Variants in EPB41L2 observed in about 807,000 individuals in gnomAD.
EPB41L2 encodes the protein band 4.1-like protein 2.
A neutral mutation model predicts 113.0 loss-of-function variants in EPB41L2; 43 were observed. That is an observed-to-expected ratio of 0.38 (90% confidence interval 0.30 to 0.49). EPB41L2 has a LOEUF of 0.49. Among genes scored for constraint, EPB41L2 ranks in the 20% least tolerant of loss-of-function variants. The pLI is 0.95. For synonymous variants in EPB41L2, 442 were observed against 436.7 expected (o/e 1.01, Z -0.15); for missense variants, 1,147 against 1,223.4 (o/e 0.94, Z 0.93).
chr6:130,996,592 T>C (rs1403271117), intron 1 of EPB41L2, among the ~76,000 whole-genome samples: 2 of 152,206 alleles, frequency 1.3e-5, no homozygotes, highest in Admixed American at 6.5e-5. Flanking sequence ...TGAGTCCATC[T>C]AATGAATGAA....
intron 3 of EPB41L2, among the ~76,000 whole-genome samples, chr6:130,927,740 G>C (rs1376462272): frequency 6.6e-6 from 1 of 152,124 alleles, no homozygotes; most frequent in Admixed American, 6.5e-5. Context: ...GAATAGAATT[G>C]CATCAAATTG....
At chr6:131,055,994 A>C (rs900312361) in intron 1 of EPB41L2, among the ~76,000 whole-genome samples, 16 of 152,240 alleles carry the variant, frequency 1.1e-4, no homozygotes, top group African/African-American at 3.6e-4. Flanking sequence ...GCGTGACAGC[A>C]CCAGAAGCAA....
chr6:130,847,686 T>G (rs958299646), intron 19 of EPB41L2, among the ~76,000 whole-genome samples: 1 of 152,240 alleles, frequency 6.6e-6, no homozygotes, highest in African/African-American at 2.4e-5. Context: ...TGATATCCCA[T>G]GAGGACTCTT....
At chr6:131,001,078 T>C in intron 1 of EPB41L2, among the ~76,000 whole-genome samples, 1 of 151,420 alleles carries the variant, frequency 6.6e-6, no homozygotes, top group East Asian at 2.0e-4. Flanking sequence ...CTGCCAAGTA[T>C]ATTCCAACTA....
intron 1 of EPB41L2, among the ~76,000 whole-genome samples, chr6:131,008,478 T>C (rs559348194): frequency 4.7e-4 from 72 of 152,368 alleles, no homozygotes; most frequent in African/African-American, 1.7e-3. Context: ...AAGGGAAATA[T>C]AGGGTTGGAA....
At position 131,011,257 on chromosome 6, in the gene EPB41L2, A is replaced by G. The variant is rs558818135; in HGVS notation, c.-15+51898T>C. Among the ~76,000 whole-genome samples the G allele has an allele frequency of 2.3e-4, 35 of 152,342 alleles. No homozygotes were observed. In the South Asian group the frequency reaches 4.4e-3, roughly 19 times the overall value. On this transcript the variant is annotated intron_variant, in intron 1 of 19. Transcript: ENST00000337057. ...GATGAAGTAGGATAAAACTGGAGCC[A>G]TTCATAAAGGATGGAGGGAAGAAAG...
chr6:130,880,524 G>A (rs1276061819), intron 12 of EPB41L2: 18 of 622,322 alleles, frequency 2.9e-5, no homozygotes, highest in Non-Finnish European at 4.8e-5. Flanking sequence ...CAGAAAGAAG[G>A]GGAGTATTAG....
At chr6:130,872,275 G>GA (rs1400707255) in intron 14 of EPB41L2, 12 of 925,850 alleles carry the variant, frequency 1.3e-5, no homozygotes, top group Non-Finnish European at 1.6e-5. Flanking sequence ...TTTCACCAAT[G>GA]AAAGCACTGG....
intron 19 of EPB41L2, among the ~76,000 whole-genome samples, chr6:130,853,331 C>T (rs1307856239): frequency 1.3e-5 from 2 of 152,152 alleles, no homozygotes; most frequent in Admixed American, 1.3e-4. Flanking sequence ...GCTCCCTCTC[C>T]TGTGGCTCAT....
chr6:130,850,029 G>C lies in EPB41L2; in HGVS notation c.*5+8102C>G, dbSNP rs148654276. ...CGGGTGGATCACCTGAGGTCAGTCA[G>C]GAGTTCGAGACCAGCCTGGCCAACA... On this transcript the variant is annotated intron_variant, in intron 19 of 19. Transcript: ENST00000337057. Among the ~76,000 whole-genome samples, 202 of 152,270 alleles carry C rather than the reference G, an allele frequency of 1.3e-3. 7 individuals carry two copies. The East Asian group carries it at 0.036, about 27-fold the overall frequency.
At chr6:131,010,307 C>T (rs767700069) in intron 1 of EPB41L2, among the ~76,000 whole-genome samples, 2 of 152,158 alleles carry the variant, frequency 1.3e-5, no homozygotes, top group Admixed American at 6.5e-5. Flanking sequence ...GCCCAGAATT[C>T]CAGGTGCTAC....
At chr6:131,020,483 C>G (rs887897739) in intron 1 of EPB41L2, among the ~76,000 whole-genome samples, 7 of 152,196 alleles carry the variant, frequency 4.6e-5, no homozygotes, top group African/African-American at 7.2e-5. Flanking sequence ...TTTACATCCT[C>G]CTTGACCCAA....
At chr6:130,959,648 T>C (rs1818676278) in intron 1 of EPB41L2, among the ~76,000 whole-genome samples, 1 of 152,186 alleles carries the variant, frequency 6.6e-6, no homozygotes, top group Admixed American at 6.5e-5. Context: ...GTAAACTGGC[T>C]CCATATTGCA....
chr6:130,859,405 A>T (rs1167506285), intron 18 of EPB41L2, among the ~76,000 whole-genome samples: 3 of 151,798 alleles, frequency 2.0e-5, no homozygotes, highest in African/African-American at 7.3e-5. Flanking sequence ...CCAGCTACTT[A>T]GGTGGCTGAG....
At chr6:131,027,037 C>T (rs1002754853) in intron 1 of EPB41L2, among the ~76,000 whole-genome samples, 1 of 152,142 alleles carries the variant, frequency 6.6e-6, no homozygotes. Flanking sequence ...ACTAAATAAG[C>T]TCAAGTACAA....
intron 18 of EPB41L2, among the ~76,000 whole-genome samples, chr6:130,862,643 A>G (rs1465319076): frequency 1.3e-5 from 2 of 152,232 alleles, no homozygotes; most frequent in East Asian, 3.8e-4. Flanking sequence ...TTAACCTCTA[A>G]TAACTCTTAA....
Position 130,869,702 on chromosome 6 carries a change from A to G in EPB41L2, c.2468T>C (p.Ile823Thr). 1 of 1,613,970 alleles carries G rather than the reference A, an allele frequency of 6.2e-7. No homozygotes were observed. The highest frequency in any genetic ancestry group is 8.5e-7 in the Non-Finnish European group (1 of 1,180,000). Reference sequence around the variant, plus strand: ...TTCGTGTACACTCTTCTCTCCGGGTATCTTTTGGGCACCTACATTTTCCTG... The same window carrying G: ...TTCGTGTACACTCTTCTCTCCGGGTGTCTTTTGGGCACCTACATTTTCCTG... ...VIQENVGAQK[I>T]PGEKSVHEGA... The change falls in exon 15 of 20, where the codon ATA becomes ACA. Residue 823 changes from isoleucine to threonine, a missense_variant. Physicochemically the swap from Ile to Thr is moderately conservative, Grantham distance 89 (BLOSUM62 -1). Transcript: ENST00000337057.
intron 19 of EPB41L2, among the ~76,000 whole-genome samples, chr6:130,841,914 T>G: frequency 6.6e-6 from 1 of 152,184 alleles, no homozygotes; most frequent in East Asian, 1.9e-4. Flanking sequence ...GAGAAGACTT[T>G]TTAAAAAACC....
At chr6:130,974,162 G>A (rs1409143155) in intron 1 of EPB41L2, among the ~76,000 whole-genome samples, 1 of 152,158 alleles carries the variant, frequency 6.6e-6, no homozygotes, top group Non-Finnish European at 1.5e-5. Flanking sequence ...ATAAGGTCAT[G>A]AGGGTGGGGC....
Sources: gnomAD v4.1 joint callset for allele counts (sites outside exome capture counted in the v4.1 genomes callset) on GRCh38, gnomAD v4.1.1 for gene constraint, MANE v1.5 for transcripts, NCBI Gene and HGNC (gene_info 2026-07-23, HGNC 2026-07-21) for gene names.